The following SH3RF3 variants were observed in gnomAD, a reference collection of about 807,000 sequenced individuals.
The protein encoded by SH3RF3 is SH3 domain containing ring finger 3, also known as E3 ubiquitin-protein ligase SH3RF3.
SH3RF3 carries 29 observed loss-of-function variants against 66.3 expected under a neutral mutation model. That is an observed-to-expected ratio of 0.44 (90% CI 0.33 to 0.60). The LOEUF (loss-of-function observed/expected upper bound fraction) is 0.60, where lower values mean the gene tolerates loss of function less well. SH3RF3 is among the 20% of genes least tolerant of loss of function. SH3RF3 has a pLI of 0.04. For synonymous variants in SH3RF3, 583 were observed against 532.0 expected, an observed-to-expected ratio of 1.10 and a Z score of -1.32; for missense variants, 1,194 against 1,190.9, an observed-to-expected ratio of 1.00 and a Z score of -0.04.
intron 9 of SH3RF3, among the ~76,000 whole-genome samples, chr2:109,495,241 G>C (rs748152575): frequency 6.6e-6 from 1 of 152,202 alleles, no homozygotes; most frequent in African/African-American, 2.4e-5. Context: ...GGCAGCAAAT[G>C]CACATGGCAT....
In SH3RF3 at chr2:109,459,124, A is replaced by C. The variant is rs536216343; in HGVS notation, c.2148+9635A>C. On this transcript the variant is annotated intron_variant, in intron 8 of 9. Coordinates refer to ENST00000309415, the MANE Select transcript of SH3RF3 (RefSeq NM_001099289.3). ...AGTGGTGCTTCGTCTTCTTCTTGAT[A>C]TCTTGTAACTTAAATACTATCATAT... Among the ~76,000 whole-genome samples, 292 of 152,248 alleles carry C rather than the reference A, an allele frequency of 1.9e-3. 4 individuals carry two copies. The highest frequency in any genetic ancestry group is 0.013 in the South Asian group (61 of 4,816).
rs1273529697 is a variant in SH3RF3 at position 109,338,098 on chromosome 2, G to T, written c.574-9576G>T. ...TGATGTGGAGAACTTTAGTAAACAC[G>T]CTGTGTGCTGCTGTCTGGTAGCTTC... On this transcript the variant is annotated intron_variant, in intron 1 of 9. Coordinates refer to ENST00000309415, the MANE Select transcript of SH3RF3 (RefSeq NM_001099289.3). Among the ~76,000 whole-genome samples, 3 of 152,138 alleles carry T rather than the reference G, an allele frequency of 2.0e-5. No homozygotes were observed. In the East Asian group the frequency reaches 5.8e-4, roughly 29 times the overall value.
chr2:109,406,901 C>T (rs1443183636), intron 4 of SH3RF3, among the ~76,000 whole-genome samples: 1 of 152,168 alleles, frequency 6.6e-6, no homozygotes, highest in Non-Finnish European at 1.5e-5. Context: ...TGGAGTCCAG[C>T]GGGGCCTTGA....
intron 4 of SH3RF3, among the ~76,000 whole-genome samples, chr2:109,412,153 G>A (rs1387774614): frequency 6.6e-6 from 1 of 152,258 alleles, no homozygotes; most frequent in Non-Finnish European, 1.5e-5. Flanking sequence ...GCCTTCGGCC[G>A]CCGTGGTCCA....
intron 1 of SH3RF3, among the ~76,000 whole-genome samples, chr2:109,154,982 T>G (rs1286163778): frequency 1.3e-5 from 2 of 152,220 alleles, no homozygotes; most frequent in African/African-American, 2.4e-5. Context: ...GTTGGATTGA[T>G]AGCCAGCCTT....
rs941382620 is a variant in SH3RF3 at position 109,461,447 on chromosome 2, G to A, written c.2148+11958G>A. On this transcript the variant is annotated intron_variant, in intron 8 of 9. Coordinates refer to ENST00000309415, the MANE Select transcript of SH3RF3 (RefSeq NM_001099289.3). ...CCCTGTCTGTCCTAAAGACCTGCGC[G>A]GTGATCCACCTGCCAGAGGCCCCAC... is the stretch of plus-strand genomic sequence containing the variant. Among the ~76,000 whole-genome samples, 48 of 140,858 alleles carry A rather than the reference G, an allele frequency of 3.4e-4. 1 individual carries two copies. The highest frequency in any genetic ancestry group is 1.2e-3 in the African/African-American group (44 of 37,764). The allele number at this position is 140,858 out of a possible 152,430, so 92.4% of individuals were successfully genotyped here.
At chr2:109,195,092 A>G (rs1405089039) in intron 1 of SH3RF3, among the ~76,000 whole-genome samples, 1 of 152,228 alleles carries the variant, frequency 6.6e-6, no homozygotes, top group African/African-American at 2.4e-5. Context: ...ACTGAAAAGA[A>G]GAGCATTTTA....
At chr2:109,244,717 T>C (rs1679870457) in intron 1 of SH3RF3, among the ~76,000 whole-genome samples, 1 of 152,190 alleles carries the variant, frequency 6.6e-6, no homozygotes, top group African/African-American at 2.4e-5. Context: ...TCACAGCCTC[T>C]AGAGACAGGA....
intron 1 of SH3RF3, among the ~76,000 whole-genome samples, chr2:109,213,469 G>T (rs1356801783): frequency 2.6e-5 from 4 of 152,300 alleles, no homozygotes; most frequent in African/African-American, 9.6e-5. Flanking sequence ...TATCTCACTG[G>T]TGAGGACGTG....
intron 8 of SH3RF3, among the ~76,000 whole-genome samples, chr2:109,486,923 C>G (rs1276317508): frequency 6.6e-6 from 1 of 152,196 alleles, no homozygotes; most frequent in Non-Finnish European, 1.5e-5. Context: ...CCTAACAGAT[C>G]CGGCTGTTTG....
chr2:109,146,949 T>C (rs1177396751), intron 1 of SH3RF3, among the ~76,000 whole-genome samples: 1 of 133,938 alleles, frequency 7.5e-6, no homozygotes, highest in African/African-American at 2.8e-5. Context: ...AAAACACTTC[T>C]GGCAGTAACT....
At chr2:109,161,582 G>A (rs897447389) in intron 1 of SH3RF3, among the ~76,000 whole-genome samples, 8 of 151,844 alleles carry the variant, frequency 5.3e-5, no homozygotes, top group Admixed American at 3.9e-4. Context: ...AGAAAAAAAA[G>A]GTTTATTTGG....
intron 1 of SH3RF3, among the ~76,000 whole-genome samples, chr2:109,158,239 A>AT (rs1677397908): frequency 6.6e-6 from 1 of 152,176 alleles, no homozygotes; most frequent in Non-Finnish European, 1.5e-5. Flanking sequence ...GCTCCTGTGG[A>AT]TGACTGACAG....
intron 2 of SH3RF3, among the ~76,000 whole-genome samples, chr2:109,361,943 A>G (rs1037027669): frequency 1.3e-5 from 2 of 152,084 alleles, no homozygotes; most frequent in African/African-American, 4.8e-5. Context: ...TCCTGATATT[A>G]GTACTTTGTG....
At chr2:109,270,718 C>T (rs532824488) in intron 1 of SH3RF3, among the ~76,000 whole-genome samples, 5 of 152,202 alleles carry the variant, frequency 3.3e-5, no homozygotes, top group Non-Finnish European at 7.3e-5. Context: ...CTTTGGAGAC[C>T]GTTCCTGGAC....
intron 1 of SH3RF3, among the ~76,000 whole-genome samples, chr2:109,285,022 G>A (rs557083882): frequency 3.9e-5 from 6 of 152,228 alleles, no homozygotes; most frequent in South Asian, 2.1e-4. Flanking sequence ...TTGTCTGTGC[G>A]CTGTGCCGCG....
chr2:109,298,626 A>C (rs1174351471), intron 1 of SH3RF3, among the ~76,000 whole-genome samples: 1 of 152,072 alleles, frequency 6.6e-6, no homozygotes, highest in African/African-American at 2.4e-5. Context: ...GGTGTCAGTC[A>C]AATGCTCCTC....
intron 1 of SH3RF3, among the ~76,000 whole-genome samples, chr2:109,181,094 G>A (rs1273870983): frequency 6.6e-6 from 1 of 152,240 alleles, no homozygotes; most frequent in Non-Finnish European, 1.5e-5. Flanking sequence ...GCATGAGCAT[G>A]TGGAGGTGGT....
At chr2:109,406,066 G>A (rs1056648132) in intron 4 of SH3RF3, among the ~76,000 whole-genome samples, 1 of 152,226 alleles carries the variant, frequency 6.6e-6, no homozygotes, top group Non-Finnish European at 1.5e-5. Flanking sequence ...TGTCCAGGGC[G>A]TGCAGCCGGC....
Sources: allele counts gnomAD v4.1 joint callset (sites outside exome capture counted in the v4.1 genomes callset), GRCh38; gene constraint gnomAD v4.1.1; transcripts MANE v1.5; gene names NCBI Gene and HGNC (gene_info 2026-07-23, HGNC 2026-07-21).